SUMF1: variants seen among roughly 807,000 people sequenced by gnomAD.
SUMF1 encodes the protein formylglycine-generating enzyme.
A neutral mutation model predicts 47.6 loss-of-function variants in SUMF1; 48 were observed. That is an observed-to-expected ratio of 1.01 (90% CI 0.80 to 1.28). The LOEUF (loss-of-function observed/expected upper bound fraction) is 1.28, where lower values mean the gene tolerates loss of function less well. Among genes scored for constraint, SUMF1 ranks in the 50% most tolerant of loss-of-function variants. SUMF1 has a pLI of 0.00. For missense variants in SUMF1, 571 were observed against 485.4 expected (o/e 1.18, Z -1.66); for synonymous variants, 230 against 192.1 (o/e 1.20, Z -1.63).
chr3:4,365,894 T>A (rs1472712008), intron 8 of SUMF1, among the ~76,000 whole-genome samples: 1 of 152,170 alleles, frequency 6.6e-6, no homozygotes, highest in Non-Finnish European at 1.5e-5. Flanking sequence ...CTTCAGGAGC[T>A]CTTTTAGGGC....
intron 1 of SUMF1, among the ~76,000 whole-genome samples, chr3:4,457,299 A>G (rs1308475960): frequency 6.6e-6 from 1 of 152,040 alleles, no homozygotes; most frequent in African/African-American, 2.4e-5. Flanking sequence ...AATTAATCCC[A>G]GGCCAGGATT....
At chr3:4,143,792 T>C (rs779491665) in intron 8 of SUMF1, among the ~76,000 whole-genome samples, 3 of 152,040 alleles carry the variant, frequency 2.0e-5, no homozygotes, top group Admixed American at 2.0e-4. Flanking sequence ...ACTACTGAAA[T>C]TGGGATTCAC....
chr3:4,036,801 A>G (rs768054567), intron 9 of SUMF1, among the ~76,000 whole-genome samples: 1 of 150,764 alleles, frequency 6.6e-6, no homozygotes. Flanking sequence ...AAGACAGCAA[A>G]TTAATTGTTA....
chr3:4,080,448 T>G (rs1398000029), intron 8 of SUMF1, among the ~76,000 whole-genome samples: 2 of 152,116 alleles, frequency 1.3e-5, no homozygotes, highest in Non-Finnish European at 2.9e-5. Context: ...ATGCTAATAC[T>G]TGAACCAACT....
At chr3:4,321,485 A>G (rs189200414) in intron 8 of SUMF1, among the ~76,000 whole-genome samples, 38 of 150,432 alleles carry the variant, frequency 2.5e-4, no homozygotes, top group South Asian at 6.2e-4. Flanking sequence ...AAAAAAAAAA[A>G]AAAAAAAAGA....
At chr3:4,210,870 A>T (rs1695764458) in intron 8 of SUMF1, among the ~76,000 whole-genome samples, 1 of 151,690 alleles carries the variant, frequency 6.6e-6, no homozygotes, top group African/African-American at 2.4e-5. Context: ...GGCACCACCT[A>T]ATCAGCTGCC....
At chr3:4,413,087 C>T (rs955823279) in intron 6 of SUMF1, among the ~76,000 whole-genome samples, 3 of 151,984 alleles carry the variant, frequency 2.0e-5, no homozygotes, top group Non-Finnish European at 4.4e-5. Flanking sequence ...TCACTGCAAC[C>T]TCAACGTCCC....
intron 8 of SUMF1, among the ~76,000 whole-genome samples, chr3:4,102,547 T>G (rs1473075938): frequency 1.3e-5 from 2 of 152,208 alleles, no homozygotes; most frequent in Middle Eastern, 6.3e-3. Flanking sequence ...CTTTCTTTGC[T>G]GAGGTCTTGT....
At chr3:4,075,300 G>C (rs781322351) in intron 8 of SUMF1, among the ~76,000 whole-genome samples, 2 of 152,018 alleles carry the variant, frequency 1.3e-5, no homozygotes, top group Non-Finnish European at 2.9e-5. Context: ...AGCCCTTCAT[G>C]CTAAAAACTC....
chr3:4,127,454 G>A (rs1693680682), intron 8 of SUMF1, among the ~76,000 whole-genome samples: 1 of 152,134 alleles, frequency 6.6e-6, no homozygotes, highest in South Asian at 2.1e-4. Context: ...CTAATTAGCT[G>A]CCAGTAAGGC....
At chr3:4,139,854 C>T (rs1470883888) in intron 8 of SUMF1, among the ~76,000 whole-genome samples, 2 of 151,850 alleles carry the variant, frequency 1.3e-5, no homozygotes, top group African/African-American at 4.8e-5. Context: ...TGATTCCAGC[C>T]TACTCTTTAA....
At chr3:4,128,915 G>T (rs1245954023) in intron 8 of SUMF1, among the ~76,000 whole-genome samples, 2 of 152,050 alleles carry the variant, frequency 1.3e-5, no homozygotes, top group Non-Finnish European at 2.9e-5. Flanking sequence ...TATTTGCTTG[G>T]TTAGCTGAAA....
chr3:4,226,854 C>T (rs1053112487), intron 8 of SUMF1, among the ~76,000 whole-genome samples: 1 of 129,584 alleles, frequency 7.7e-6, no homozygotes, highest in Admixed American at 8.4e-5. Context: ...TATGCTATGA[C>T]TATGTAAGCA....
chr3:4,201,685 T>C (rs959993552), intron 8 of SUMF1, among the ~76,000 whole-genome samples: 16 of 152,080 alleles, frequency 1.1e-4, no homozygotes, highest in African/African-American at 3.9e-4. Flanking sequence ...GATCATGTGG[T>C]AGTTCTATTT....
At chr3:4,047,436 C>T (rs1574843893) in intron 9 of SUMF1, among the ~76,000 whole-genome samples, 1 of 152,256 alleles carries the variant, frequency 6.6e-6, no homozygotes, top group East Asian at 1.9e-4. Flanking sequence ...TTACAGGAGA[C>T]TGGCTCTTCA....
chr3:4,412,710 C>A (rs887184631), intron 6 of SUMF1, among the ~76,000 whole-genome samples: 1 of 152,030 alleles, frequency 6.6e-6, no homozygotes, highest in African/African-American at 2.4e-5. Flanking sequence ...ATGGTCAAAC[C>A]CTGTCTCTAC....
rs1428498522 is a variant in SUMF1 at position 4,415,250 on chromosome 3, C to T, written c.840+1878G>A. On this transcript the variant is annotated intron_variant, in intron 6 of 8. Coordinates refer to ENST00000272902, the MANE Select transcript of SUMF1 (RefSeq NM_182760.4). Reference sequence around the variant, plus strand: ...TCAAAAAAAAAAAAAAAAAAACAGACAGAAAAATAAAAGAAATGATTATCA... The same window carrying T: ...TCAAAAAAAAAAAAAAAAAAACAGATAGAAAAATAAAAGAAATGATTATCA... Among the ~76,000 whole-genome samples, 10 of 141,180 alleles carry T rather than the reference C, an allele frequency of 7.1e-5. No homozygotes were observed. The South Asian group carries it at 2.2e-3, about 31-fold the overall frequency. 92.6% of individuals were successfully genotyped at this position (141,180 alleles called of 152,430 possible). A position where few individuals can be genotyped will look rare whatever the true frequency, so the allele number is the denominator to read the frequency against.
Position 4,400,567 on chromosome 3 carries a change from G to A in SUMF1, c.954+10298C>T, listed in dbSNP as rs1399805823. Among the ~76,000 whole-genome samples, 7 of 152,334 alleles carry A rather than the reference G, an allele frequency of 4.6e-5. No individual in the cohort carries two copies. The South Asian group carries it at 1.0e-3, about 23-fold the overall frequency. ...AACAACAAGAGGCAATGCTGAAGGGGAAAGGATTTTCCAAAGGGAGATGTT... is the reference window on the plus strand; with the variant it reads ...AACAACAAGAGGCAATGCTGAAGGGAAAAGGATTTTCCAAAGGGAGATGTT... On this transcript the variant is annotated intron_variant, in intron 7 of 8. Transcript: ENST00000272902.
intron 8 of SUMF1, among the ~76,000 whole-genome samples, chr3:4,206,619 C>A (rs970184634): frequency 6.6e-6 from 1 of 152,086 alleles, no homozygotes; most frequent in South Asian, 2.1e-4. Flanking sequence ...GTATTTCCTA[C>A]CTCTTCAGTG....
Sources: allele counts gnomAD v4.1 joint callset (sites outside exome capture counted in the v4.1 genomes callset), GRCh38; gene constraint gnomAD v4.1.1; transcripts MANE v1.5; gene names NCBI Gene and HGNC (gene_info 2026-07-23, HGNC 2026-07-21).